ODF2: variants seen among roughly 807,000 people sequenced by gnomAD.
The protein encoded by ODF2 is outer dense fiber protein 2.
ODF2 carries 47 observed loss-of-function variants against 110.2 expected under a neutral mutation model. That is an observed-to-expected ratio of 0.43 (90% CI 0.34 to 0.54). The LOEUF (loss-of-function observed/expected upper bound fraction) is 0.54, where lower values mean the gene tolerates loss of function less well. Among genes scored for constraint, ODF2 ranks in the 20% least tolerant of loss-of-function variants. The probability of loss-of-function intolerance (pLI) is 0.03; values close to 1 mark genes in which losing one functional copy is unlikely to be tolerated. For missense variants in ODF2, 812 were observed against 1,054.5 expected (o/e 0.77, Z 3.19); for synonymous variants, 352 against 397.7 (o/e 0.89, Z 1.37).
intron 6 of ODF2, 85 bp downstream of exon 6, chr9:128,471,553 T>C (rs1183827814): frequency 2.2e-6 from 3 of 1,394,540 alleles, no homozygotes; most frequent in Non-Finnish European, 3.0e-6. Flanking sequence ...GAAAGCAACG[T>C]AGGAGGTGGG....
rs773701430 is a variant in ODF2 at position 128,473,792 on chromosome 9, C to G, written c.843+51C>G. On this transcript the variant is annotated intron_variant, in intron 8 of 20. Transcript: ENST00000604420. ...CTCCAGCTCTGCATGCCCATCCTCT[C>G]TGAGCCTTTCTCCTTGTCTGTAAAA... 3.0e-5 allele frequency: 46 copies of G among 1,524,208 alleles called. 1 individual carries two copies. The South Asian group carries it at 5.0e-4, about 16-fold the overall frequency. 94.4% of individuals were successfully genotyped at this position (1,524,208 alleles called of 1,614,324 possible).
chr9:128,483,258 G>A (rs1360948075), intron 10 of ODF2, among the ~76,000 whole-genome samples: 1 of 152,024 alleles, frequency 6.6e-6, no homozygotes, highest in Non-Finnish European at 1.5e-5. Flanking sequence ...TTCAAATCCT[G>A]TCTTTGGGCC....
chr9:128,482,002 A>G lies in ODF2; in HGVS notation c.915+351A>G, dbSNP rs188691430. On this transcript the variant is annotated intron_variant, in intron 9 of 20. Transcript: ENST00000604420. The stretch of plus-strand genomic sequence containing the variant: ...ACACACCTTTGGACTCAGTAATCCT[A>G]ATTCTAGGAATCTCTCCCAAAGCAG... Among the ~76,000 whole-genome samples, 261 of 152,344 alleles carry G rather than the reference A, an allele frequency of 1.7e-3. 1 individual carries two copies. The highest frequency in any genetic ancestry group is 5.8e-3 in the African/African-American group (241 of 41,578).
chr9:128,460,585 C>A lies in ODF2; in HGVS notation c.124-357C>A, dbSNP rs778630853. 9 of 1,614,062 alleles carry A rather than the reference C, an allele frequency of 5.6e-6. No individual in the cohort carries two copies. The East Asian group carries it at 8.9e-5, about 16-fold the overall frequency. The stretch of plus-strand genomic sequence containing the variant: ...TGAAGGACCGCTCTTCAACTCCCCC[C>A]TTACATGTTCACGTGGATGAGAACA... On this transcript the variant is annotated intron_variant, in intron 3 of 20. Transcript: ENST00000604420.
chr9:128,487,770 G>A, intron 13 of ODF2, 120 bp from the exon 14 acceptor site: 3 of 1,223,072 alleles, frequency 2.5e-6, no homozygotes, highest in Non-Finnish European at 3.4e-6. Context: ...CTAGGTGACA[G>A]AGCGAGACTC....
intron 2 of ODF2, among the ~76,000 whole-genome samples, chr9:128,458,338 C>T (rs1835482790): frequency 6.6e-6 from 1 of 152,018 alleles, no homozygotes; most frequent in Admixed American, 6.6e-5. Context: ...CCTGTAATCC[C>T]AGCTACTCAG....
intron 2 of ODF2, chr9:128,457,444 C>T (rs370902426): frequency 1.9e-6 from 3 of 1,608,876 alleles, no homozygotes; most frequent in Admixed American, 1.7e-5. Flanking sequence ...CCAGGTATTG[C>T]CGATGTGGGA....
chr9:128,485,843 G>C lies in ODF2; in HGVS notation c.1400+369G>C, dbSNP rs4268218. ...TGGGGAATGGGGCAGATGGTGACCC[G>C]AGTGTCTTCTCTCTGTTGTCTGTCC... On this transcript the variant is annotated intron_variant, in intron 13 of 20. Coordinates refer to ENST00000604420, the Ensembl canonical transcript of ODF2. The surrounding 1 kb of genome is among the most constrained non-coding windows in gnomAD (Gnocchi z 5.0). Among the ~76,000 whole-genome samples, 2 of 152,008 alleles carry C rather than the reference G, an allele frequency of 1.3e-5. No individual in the cohort carries two copies. Among genetic ancestry groups the C allele is most frequent in the South Asian group, 2.1e-4 (1 of 4,808 alleles).
chr9:128,495,009 G>A (rs1408555808), intron 17 of ODF2, among the ~76,000 whole-genome samples: 1 of 152,204 alleles, frequency 6.6e-6, no homozygotes. Flanking sequence ...CCGAGCCGTA[G>A]AATTTCTTTT....
upstream of ODF2, among the ~76,000 whole-genome samples, chr9:128,455,743 C>T (rs559586638): frequency 7.0e-4 from 107 of 152,110 alleles, no homozygotes; most frequent in Non-Finnish European, 1.4e-3. Context: ...AGGGGCAGGG[C>T]TGGATTTTCG....
intron 11 of ODF2, among the ~76,000 whole-genome samples, chr9:128,484,480 T>C (rs1000210082): frequency 1.6e-4 from 25 of 152,290 alleles, no homozygotes; most frequent in Admixed American, 1.6e-3. Context: ...CAAGACCCCA[T>C]GGGCTGAGAG....
Position 128,484,971 on chromosome 9 carries a change from G to A in ODF2, c.1290+85G>A, listed in dbSNP as rs748059250. 1.6e-5 allele frequency: 22 copies of A among 1,355,094 alleles called. No homozygotes were observed. In the Admixed American group the frequency reaches 2.5e-4, roughly 16 times the overall value. The allele number at this position is 1,355,094 out of a possible 1,614,324, so 83.9% of individuals were successfully genotyped here. On this transcript the variant is annotated intron_variant, in intron 12 of 20. Coordinates refer to ENST00000604420, the Ensembl canonical transcript of ODF2. ...AGGGGTGGTCAGCCAGATGGGTAGC[G>A]GGGAGGGGTGGGTGGATGAGGGATG...
intron 16 of ODF2, among the ~76,000 whole-genome samples, chr9:128,493,427 G>A (rs1000589222): frequency 1.3e-5 from 2 of 152,138 alleles, no homozygotes; most frequent in Non-Finnish European, 2.9e-5. Flanking sequence ...CATGCTTGGA[G>A]CATCCAAGTA....
intron 14 of ODF2, among the ~76,000 whole-genome samples, chr9:128,492,144 C>T (rs1321373896): frequency 1.3e-5 from 2 of 151,980 alleles, no homozygotes; most frequent in African/African-American, 2.4e-5. Context: ...GGATTATAGG[C>T]GTGAGCCACC....
At position 128,482,896 on chromosome 9, in the gene ODF2, C is replaced by CTTTT. The variant is rs11290748; in HGVS notation, c.987+25_987+28dup. 27 of 1,323,608 alleles carry CTTTT rather than the reference C, an allele frequency of 2.0e-5. No individual in the cohort carries two copies. The highest frequency in any genetic ancestry group is 2.9e-5 in the South Asian group (2 of 68,456). 82.0% of individuals were successfully genotyped at this position (1,323,608 alleles called of 1,614,324 possible). ...AAATACAATGTGAGAAGGTAGTGTG[C>CTTTT]TTTTTTTTTTTTTTTTTTTAGACGG... On this transcript the variant is annotated intron_variant, in intron 10 of 20. Coordinates refer to ENST00000604420, the Ensembl canonical transcript of ODF2.
upstream of ODF2, among the ~76,000 whole-genome samples, chr9:128,455,606 A>G (rs971877061): frequency 2.0e-3 from 283 of 139,390 alleles, 2 homozygotes; most frequent in African/African-American, 6.9e-3. Flanking sequence ...GCAGGAAGGT[A>G]GTGAACAGAA....
At chr9:128,471,235 G>A in intron 5 of ODF2, 73 bp from the exon 6 acceptor site, 1 of 1,468,932 alleles carries the variant, frequency 6.8e-7, no homozygotes. Flanking sequence ...TTGGTCCAAA[G>A]CATTGAGCCT....
chr9:128,471,436 C>G (rs777215876), exon 6 of ODF2: 1 of 1,613,476 alleles, frequency 6.2e-7, no homozygotes. Context: ...GGCACAACAT[C>G]GAGCGCATGA....
chr9:128,498,820 C>A (rs1846077965), intron 19 of ODF2, among the ~76,000 whole-genome samples, 181 bp from the exon 20 acceptor site: 1 of 152,202 alleles, frequency 6.6e-6, no homozygotes, highest in African/African-American at 2.4e-5. Context: ...GGAGCACTGG[C>A]AAAGCTGGGT....
Sources: gnomAD v4.1 joint callset for allele counts (sites outside exome capture counted in the v4.1 genomes callset) on GRCh38, gnomAD v4.1.1 for gene constraint, Gnocchi (gnomAD v3.1) non-coding constraint, MANE v1.5 for transcripts, NCBI Gene and HGNC (gene_info 2026-07-23, HGNC 2026-07-21) for gene names.